SEMA3C: variants seen among roughly 807,000 people sequenced by gnomAD.
SEMA3C encodes semaphorin 3C.
SEMA3C carries 47 observed loss-of-function variants against 89.4 expected under a neutral mutation model. That is an observed-to-expected ratio of 0.53 (90% CI 0.42 to 0.67). SEMA3C has a LOEUF of 0.67. Ranked by LOEUF, SEMA3C falls within the 30% of genes least tolerant of loss-of-function variation. The probability of loss-of-function intolerance (pLI) is 0.00; values close to 1 mark genes in which losing one functional copy is unlikely to be tolerated. For synonymous variants in SEMA3C, 310 were observed against 320.2 expected (o/e 0.97, Z 0.34); for missense variants, 839 against 929.1 (o/e 0.90, Z 1.26).
chr7:80,761,325 G>T (rs1788177983), intron 14 of SEMA3C, among the ~76,000 whole-genome samples: 1 of 151,958 alleles, frequency 6.6e-6, no homozygotes, highest in Non-Finnish European at 1.5e-5. Flanking sequence ...TATTTCGGTT[G>T]GCTTCACACA....
At chr7:80,847,859 C>T (rs999199005) in intron 2 of SEMA3C, among the ~76,000 whole-genome samples, 2 of 152,194 alleles carry the variant, frequency 1.3e-5, no homozygotes, top group African/African-American at 4.8e-5. Flanking sequence ...CAGATCATCT[C>T]ATTCAGCCTC....
chr7:80,797,912 C>T (rs1348358244), intron 11 of SEMA3C, among the ~76,000 whole-genome samples, 180 bp downstream of exon 11: 4 of 152,002 alleles, frequency 2.6e-5, no homozygotes, highest in South Asian at 2.1e-4. Context: ...GCAGGAGAAT[C>T]GCTTGAACCC....
chr7:80,911,748 C>T (rs1792155971), intron 2 of SEMA3C, among the ~76,000 whole-genome samples: 1 of 151,994 alleles, frequency 6.6e-6, no homozygotes, highest in African/African-American at 2.4e-5. Context: ...ATTCTCCTGC[C>T]TCAGCCTCCC....
intron 12 of SEMA3C, among the ~76,000 whole-genome samples, chr7:80,773,105 A>G (rs919114292): frequency 1.3e-5 from 2 of 152,318 alleles, no homozygotes; most frequent in South Asian, 4.1e-4. Flanking sequence ...GCATTTAATC[A>G]AAGAGAAAGC....
intron 2 of SEMA3C, among the ~76,000 whole-genome samples, chr7:80,910,853 T>C (rs1792130462): frequency 6.6e-6 from 1 of 152,132 alleles, no homozygotes; most frequent in Non-Finnish European, 1.5e-5. Context: ...AAAAAGAACA[T>C]CTGAATCTTT....
intron 4 of SEMA3C, among the ~76,000 whole-genome samples, chr7:80,826,275 T>C (rs1239313493): frequency 6.6e-6 from 1 of 152,140 alleles, no homozygotes; most frequent in Non-Finnish European, 1.5e-5. Context: ...AGGGCAGTCT[T>C]CACTCCTGAA....
chr7:80,759,991 G>A (rs999213394), intron 14 of SEMA3C, among the ~76,000 whole-genome samples: 3 of 152,046 alleles, frequency 2.0e-5, no homozygotes, highest in Admixed American at 1.3e-4. Flanking sequence ...TTTATTAAGC[G>A]TACTATTTTC....
chr7:80,839,235 G>A (rs1373526110), intron 2 of SEMA3C, among the ~76,000 whole-genome samples: 1 of 152,116 alleles, frequency 6.6e-6, no homozygotes, highest in South Asian at 2.1e-4. Context: ...ATACTTCTAG[G>A]AAGGCCTCAG....
chr7:80,779,419 C>A (rs751063068), intron 12 of SEMA3C, among the ~76,000 whole-genome samples: 1 of 152,104 alleles, frequency 6.6e-6, no homozygotes, highest in Non-Finnish European at 1.5e-5. Flanking sequence ...CTATTTCTTT[C>A]CCCCATTTGC....
intron 12 of SEMA3C, among the ~76,000 whole-genome samples, chr7:80,789,090 A>C (rs368844196): frequency 4.6e-5 from 7 of 151,948 alleles, no homozygotes; most frequent in South Asian, 2.1e-4. Flanking sequence ...ATATATCTCT[A>C]TATATATTCC....
intron 5 of SEMA3C, among the ~76,000 whole-genome samples, chr7:80,816,568 A>G (rs1182740651): frequency 6.6e-6 from 1 of 152,188 alleles, no homozygotes; most frequent in Admixed American, 6.5e-5. Flanking sequence ...GTGTAGTTCT[A>G]TATTTACAAT....
intron 2 of SEMA3C, among the ~76,000 whole-genome samples, chr7:80,888,189 G>A (rs1015227331): frequency 1.3e-5 from 2 of 152,084 alleles, no homozygotes; most frequent in African/African-American, 4.8e-5. Flanking sequence ...GAGGCAGGAG[G>A]ATCCCTTGAG....
rs1789446736 is a variant in SEMA3C at position 80,810,651 on chromosome 7, G to A, written c.498C>T (p.Cys166=). The change falls in exon 6 of 18, where the codon TGC becomes TGT. Residue 166 remains cysteine (C), a synonymous_variant. Coordinates refer to ENST00000265361, the MANE Select transcript of SEMA3C (RefSeq NM_006379.5). ...DSKCESGKGR[C]SFNPNVNTVS... ...CCGTGTTCACGTTGGGGTTGAAAGAGCAGCGTCCTTTTCCAGATTCACACT... is the reference window on the plus strand; with the variant it reads ...CCGTGTTCACGTTGGGGTTGAAAGAACAGCGTCCTTTTCCAGATTCACACT... 6.2e-7 allele frequency: 1 copy of A among 1,613,810 alleles called. No individual in the cohort carries two copies. Among genetic ancestry groups the A allele is most frequent in the Non-Finnish European group, 8.5e-7 (1 of 1,179,774 alleles).
intron 5 of SEMA3C, among the ~76,000 whole-genome samples, chr7:80,814,671 T>C (rs1486426853): frequency 2.0e-5 from 3 of 152,114 alleles, no homozygotes. Flanking sequence ...TTATAATCTT[T>C]ACCCTATACA....
At chr7:80,745,733 G>T (rs548780213) in intron 17 of SEMA3C, among the ~76,000 whole-genome samples, 7 of 151,800 alleles carry the variant, frequency 4.6e-5, no homozygotes, top group Non-Finnish European at 8.8e-5. Flanking sequence ...AAAAATACTC[G>T]CCAGTGAAAA....
At chr7:80,761,813 T>C (rs1343780704) in intron 13 of SEMA3C, among the ~76,000 whole-genome samples, 156 bp from the exon 14 acceptor site, 1 of 152,110 alleles carries the variant, frequency 6.6e-6, no homozygotes, top group Non-Finnish European at 1.5e-5. Context: ...CATTTGCATA[T>C]ACTTGTCTAT....
At chr7:80,747,013 ATGAG>A (rs1787818175) in intron 17 of SEMA3C, among the ~76,000 whole-genome samples, 2 of 43,908 alleles carry the variant, frequency 4.6e-5, no homozygotes, top group Admixed American at 3.7e-4. Context: ...ACACAGTAGT[ATGAG>A]TGAGAAGCAT....
intron 2 of SEMA3C, among the ~76,000 whole-genome samples, chr7:80,877,489 G>T (rs751359224): frequency 1.3e-5 from 2 of 152,032 alleles, no homozygotes; most frequent in Non-Finnish European, 2.9e-5. Context: ...TCTCTGTAAA[G>T]ATTAATCTCA....
At chr7:80,819,212 G>C (rs1281217713) in intron 4 of SEMA3C, among the ~76,000 whole-genome samples, 2 of 134,324 alleles carry the variant, frequency 1.5e-5, no homozygotes, top group Non-Finnish European at 3.4e-5. Context: ...TAAAAGACGT[G>C]TTTCCAGAAA....
Sources: gnomAD v4.1 joint callset for allele counts (sites outside exome capture counted in the v4.1 genomes callset) on GRCh38, gnomAD v4.1.1 for gene constraint, MANE v1.5 for transcripts, NCBI Gene and HGNC (gene_info 2026-07-23, HGNC 2026-07-21) for gene names.